The following MGRN1 variants were observed in gnomAD, a reference collection of about 807,000 sequenced individuals.
The protein encoded by MGRN1 is mahogunin ring finger 1.
MGRN1 carries 29 observed loss-of-function variants against 69.2 expected under a neutral mutation model. The observed-to-expected ratio is 0.42, with a 90% CI of 0.31 to 0.57. The LOEUF (loss-of-function observed/expected upper bound fraction) is 0.57. Ranked by LOEUF, MGRN1 falls within the 20% of genes least tolerant of loss-of-function variation. MGRN1 has a pLI of 0.15. For synonymous variants in MGRN1, 470 were observed against 344.2 expected, an observed-to-expected ratio of 1.37 and a Z score of -4.04; for missense variants, 998 against 796.2, an observed-to-expected ratio of 1.25 and a Z score of -3.05.
chr16:4,677,871 C>T (rs1182114977), intron 11 of MGRN1, among the ~76,000 whole-genome samples: 7 of 143,530 alleles, frequency 4.9e-5, no homozygotes, highest in Non-Finnish European at 1.1e-4. Context: ...GAGGCAGGGT[C>T]TCGGTCTGTC....
Position 4,673,638 on chromosome 16 carries a change from C to A in MGRN1, c.936C>A (p.Asn312Lys). The part of the protein sequence containing the change: ...CADTLRYQAN[N>K]CPICRLPFRA... The stretch of plus-strand genomic sequence containing the variant: ...ACACGCTGCGCTACCAGGCCAACAA[C>A]TGCCCCATCTGCCGGCTGCGTGAGT... The change falls in exon 10 of 17, where the codon AAC (asparagine) becomes AAA (lysine). Residue 312 changes from asparagine to lysine, a missense_variant. Physicochemically the swap from Asn to Lys is moderately conservative, Grantham distance 94. Transcript: ENST00000262370. 1 of 1,613,236 alleles carries A rather than the reference C, an allele frequency of 6.2e-7. No homozygotes were observed. The highest frequency in any genetic ancestry group is 1.3e-5 in the African/African-American group (1 of 75,042).
intron 16 of MGRN1, chr16:4,686,761 C>T (rs931391576): frequency 2.0e-6 from 2 of 997,240 alleles, no homozygotes; most frequent in South Asian, 9.2e-5. Context: ...CGGATGGTCC[C>T]ACCATGAGTT....
At chr16:4,673,298 C>T (rs779388706) in intron 9 of MGRN1, among the ~76,000 whole-genome samples, 200 bp from the exon 10 acceptor site, 2 of 152,180 alleles carry the variant, frequency 1.3e-5, no homozygotes, top group South Asian at 2.1e-4. Flanking sequence ...GACCCTCCCC[C>T]TCTGCCAGGT....
chr16:4,667,830 GCT>G (rs748847360), intron 7 of MGRN1, among the ~76,000 whole-genome samples: 5 of 152,062 alleles, frequency 3.3e-5, no homozygotes, highest in Non-Finnish European at 5.9e-5. Context: ...GCGTGCTCCC[GCT>G]CTGTCTTTCT....
chr16:4,677,452 T>G lies in MGRN1; in HGVS notation c.956-11T>G. 2 of 1,541,630 alleles carry G rather than the reference T, an allele frequency of 1.3e-6. No individual in the cohort carries two copies. Among genetic ancestry groups the G allele is most frequent in the South Asian group, 2.4e-5 (2 of 84,076 alleles). On this transcript the variant is annotated splice_polypyrimidine_tract_variant and intron_variant, in intron 10 of 16. Transcript: ENST00000262370. ...CGCCTGGGCCTGATCTGAGCCCTCC[T>G]TCTGCCGCAGCTTTCCGGGCCCTCC... is the stretch of plus-strand genomic sequence containing the variant.
chr16:4,662,353 A>G (rs2078702355), intron 5 of MGRN1, among the ~76,000 whole-genome samples: 1 of 152,018 alleles, frequency 6.6e-6, no homozygotes, highest in South Asian at 2.1e-4. Flanking sequence ...CGTCTCTACT[A>G]AAAATACAAA....
rs2141996095 is a variant in MGRN1, at chr16:4,688,963, G to A, written c.*55G>A. 3 of 1,495,254 alleles carry A rather than the reference G, an allele frequency of 2.0e-6. No homozygotes were observed. The highest frequency in any genetic ancestry group is 5.0e-5 in the East Asian group (2 of 40,034). 92.6% of individuals were successfully genotyped at this position (1,495,254 alleles called of 1,614,324 possible). A position where few individuals can be genotyped will look rare whatever the true frequency, so the allele number is the denominator to read the frequency against. ...CTCGGCTCCCCAGACTTTGCCGAGGGGCTGCTCCGGACCCCGTTGTGAGCC... is the reference window on the plus strand; with the variant it reads ...CTCGGCTCCCCAGACTTTGCCGAGGAGCTGCTCCGGACCCCGTTGTGAGCC... On this transcript the variant is annotated 3_prime_UTR_variant, in exon 17 of 17. Transcript: ENST00000262370.
Position 4,682,957 on chromosome 16 carries a change from C to T in MGRN1, c.1482+11C>T, listed in dbSNP as rs79979596. 7.9e-4 allele frequency: 1,220 copies of T among 1,546,994 alleles called. 12 individuals are homozygous for T. In the African/African-American group the frequency reaches 0.014, roughly 17 times the overall value. On this transcript the variant is annotated intron_variant, in intron 14 of 16. Transcript: ENST00000262370. Reference sequence around the variant, plus strand: ...AGCAGCTCCCCTGAGGTGAGGCCCCCCCGGGGAAGCTTTGCGCACCCGCCC... The same window carrying T: ...AGCAGCTCCCCTGAGGTGAGGCCCCTCCGGGGAAGCTTTGCGCACCCGCCC...
chr16:4,650,030 C>T (rs536103971), intron 1 of MGRN1: 2 of 193,424 alleles, frequency 1.0e-5, no homozygotes, highest in Non-Finnish European at 2.1e-5. Context: ...AGGCTGGGCG[C>T]CGTGGCTCAT....
chr16:4,680,826 C>A (rs781768788), intron 12 of MGRN1: 2 of 152,508 alleles, frequency 1.3e-5, no homozygotes, highest in Non-Finnish European at 2.9e-5. Flanking sequence ...CCGTGGTCTC[C>A]AGGCATCCCG....
intron 9 of MGRN1, chr16:4,672,442 G>T: frequency 2.2e-6 from 1 of 456,740 alleles, no homozygotes; most frequent in South Asian, 1.5e-5. Context: ...TATGGCATCT[G>T]GGCCCAGGAC....
At chr16:4,639,340 C>T (rs952269257) in intron 1 of MGRN1, among the ~76,000 whole-genome samples, 1 of 152,088 alleles carries the variant, frequency 6.6e-6, no homozygotes, top group Non-Finnish European at 1.5e-5. Context: ...CTGGCCTCAC[C>T]GCGGCATCCC....
chr16:4,685,445 G>C (rs556019661), intron 16 of MGRN1, among the ~76,000 whole-genome samples: 1 of 152,200 alleles, frequency 6.6e-6, no homozygotes, highest in East Asian at 1.9e-4. Flanking sequence ...GCCCACAGAC[G>C]GGGGCAGGCA....
chr16:4,689,019 C>A lies in MGRN1; in HGVS notation c.*111C>A. 1 of 1,391,532 alleles carries A rather than the reference C, an allele frequency of 7.2e-7. No homozygotes were observed. Among genetic ancestry groups the A allele is most frequent in the South Asian group, 1.5e-5 (1 of 67,466 alleles). The allele number at this position is 1,391,532 out of a possible 1,614,324, so 86.2% of individuals were successfully genotyped here. A position where few individuals can be genotyped will look rare whatever the true frequency, so the allele number is the denominator to read the frequency against. On this transcript the variant is annotated 3_prime_UTR_variant, in exon 17 of 17. Coordinates refer to ENST00000262370, the MANE Select transcript of MGRN1 (RefSeq NM_015246.4). ...CCTGTCTGCATGCCCCCTGTGGCCA[C>A]CAGGCTCCGAGGGGCCGTGGTGACT...
At chr16:4,657,463 C>A in intron 5 of MGRN1, 100 bp downstream of exon 5, 1 of 1,202,102 alleles carries the variant, frequency 8.3e-7, no homozygotes, top group Non-Finnish European at 1.2e-6. Context: ...TGGCTTCCTC[C>A]AGGGTTCATA....
At chr16:4,635,750 A>G (rs926596531) in intron 1 of MGRN1, among the ~76,000 whole-genome samples, 3 of 151,254 alleles carry the variant, frequency 2.0e-5, no homozygotes. Flanking sequence ...CTCTCCCGCC[A>G]AAGCCTCCCG....
intron 6 of MGRN1, 29 bp downstream of exon 6, chr16:4,664,804 GCGTGCAGGC>G (rs760666702): frequency 8.7e-6 from 14 of 1,612,828 alleles, no homozygotes; most frequent in African/African-American, 4.0e-5. Context: ...GTCCTCCTGG[GCGTGCAGGC>G]CGTGCAGGGA....
chr16:4,635,617 C>T (rs8063448), intron 1 of MGRN1, among the ~76,000 whole-genome samples: 36,234 of 151,088 alleles, frequency 0.24, 4,998 homozygotes, highest in African/African-American at 0.37. Context: ...CAGGTGTGGG[C>T]CACCACACCC....
In MGRN1 at chr16:4,683,224, A is replaced by G. The variant is rs1242643047; in HGVS notation, c.1483A>G (p.Ser495Gly). 1.9e-6 allele frequency: 3 copies of G among 1,613,738 alleles called. No individual in the cohort carries two copies. The highest frequency in any genetic ancestry group is 2.2e-5 in the East Asian group (1 of 44,874). Residue 495 changes from serine (S) to glycine (G), a missense_variant and splice_region_variant, in exon 15 of 17, where the codon AGT becomes GGT. Coordinates refer to ENST00000262370, the MANE Select transcript of MGRN1 (RefSeq NM_015246.4). Reference protein sequence around the residue: ...LALRESSSPESFITEEVDESS... With the variant: ...LALRESSSPEGFITEEVDESS... ...GGCTACTTTCCCCTTTGTTTCCTAGAGTTTCATAACAGAAGAGGTTGATGA... is the reference window on the plus strand; with the variant it reads ...GGCTACTTTCCCCTTTGTTTCCTAGGGTTTCATAACAGAAGAGGTTGATGA...
Sources: gnomAD v4.1 joint callset for allele counts (sites outside exome capture counted in the v4.1 genomes callset) on GRCh38, gnomAD v4.1.1 for gene constraint, MANE v1.5 for transcripts, NCBI Gene and HGNC (gene_info 2026-07-23, HGNC 2026-07-21) for gene names.